Variants in MTOR observed in about 807,000 individuals in gnomAD.
MTOR encodes the protein mechanistic target of rapamycin kinase.
MTOR carries 70 observed loss-of-function variants against 319.8 expected under a neutral mutation model. The ratio of observed to expected loss-of-function variants is 0.22; its 90% CI spans 0.18 to 0.27. The LOEUF (loss-of-function observed/expected upper bound fraction) is 0.27, where lower values mean the gene tolerates loss of function less well. Among genes scored for constraint, MTOR ranks in the 10% least tolerant of loss-of-function variants. The probability of loss-of-function intolerance (pLI) is 1.00; values close to 1 mark genes in which losing one functional copy is unlikely to be tolerated. For missense variants in MTOR, 1,890 were observed against 3,274.4 expected, an observed-to-expected ratio of 0.58 and a Z score of 10.32; for synonymous variants, 1,183 against 1,211.4, an observed-to-expected ratio of 0.98 and a Z score of 0.49.
At chr1:11,113,009 G>A in intron 53 of MTOR, 92 bp from the exon 54 acceptor site, 1 of 1,364,840 alleles carries the variant, frequency 7.3e-7, no homozygotes, top group Non-Finnish European at 1.0e-6. Context: ...AAATATAATT[G>A]TTCGTAAAGC....
At chr1:11,174,293 G>C (rs1244095854) in intron 28 of MTOR, among the ~76,000 whole-genome samples, 1 of 152,156 alleles carries the variant, frequency 6.6e-6, no homozygotes, top group Non-Finnish European at 1.5e-5. Context: ...GTGAGCAATG[G>C]GTGGGATGTT....
chr1:11,152,996 A>T (rs1273461250), intron 30 of MTOR, among the ~76,000 whole-genome samples: 1 of 152,240 alleles, frequency 6.6e-6, no homozygotes, highest in Non-Finnish European at 1.5e-5. Flanking sequence ...TTTGGGACTG[A>T]GAACGGCAAC....
Position 11,228,650 on chromosome 1 carries a change from G to A in MTOR, c.3030+18C>T, listed in dbSNP as rs1220443437. ...GGTGCAGAGGAGAAAGAGAAGGATT[G>A]GGGTTTGAGGTACTTACTTCCCGGA... On this transcript the variant is annotated intron_variant, in intron 19 of 57. Coordinates refer to ENST00000361445, the MANE Select transcript of MTOR (RefSeq NM_004958.4). 1.2e-6 allele frequency: 2 copies of A among 1,611,546 alleles called. No homozygotes were observed. Among genetic ancestry groups the A allele is most frequent in the Non-Finnish European group, 8.5e-7 (1 of 1,178,588 alleles).
chr1:11,182,645 T>C (rs565331978), intron 28 of MTOR, among the ~76,000 whole-genome samples: 7 of 152,164 alleles, frequency 4.6e-5, no homozygotes, highest in African/African-American at 1.7e-4. Flanking sequence ...CTGAGCCCCC[T>C]CCCAATCACT....
At chr1:11,176,368 G>T (rs748905420) in intron 28 of MTOR, among the ~76,000 whole-genome samples, 2 of 152,168 alleles carry the variant, frequency 1.3e-5, no homozygotes, top group African/African-American at 2.4e-5. Context: ...TCCACACAAG[G>T]CGGCGCCTGT....
intron 9 of MTOR, 34 bp downstream of exon 9, chr1:11,243,080 G>A: frequency 1.2e-6 from 2 of 1,610,362 alleles, no homozygotes; most frequent in Non-Finnish European, 1.7e-6. Flanking sequence ...CAACCAAATG[G>A]AGTGGAAGGT....
At chr1:11,233,233 ATATAT>A in intron 15 of MTOR, 160 bp downstream of exon 15, 1 of 815,050 alleles carries the variant, frequency 1.2e-6, no homozygotes, top group Non-Finnish European at 2.0e-6. Flanking sequence ...TTTATTGAGA[ATATAT>A]TATTTCTCTC....
chr1:11,209,201 G>A, intron 25 of MTOR, 111 bp downstream of exon 25: 1 of 1,358,168 alleles, frequency 7.4e-7, no homozygotes, highest in Admixed American at 2.2e-5. Flanking sequence ...TAGATTTCTG[G>A]AAAAAACACC....
chr1:11,224,900 T>G (rs1646780736), intron 19 of MTOR, among the ~76,000 whole-genome samples: 1 of 152,200 alleles, frequency 6.6e-6, no homozygotes, highest in Non-Finnish European at 1.5e-5. Flanking sequence ...TACTGATACA[T>G]GCCACACATG....
chr1:11,189,361 G>A, intron 28 of MTOR: 1 of 558,718 alleles, frequency 1.8e-6, no homozygotes, highest in Non-Finnish European at 3.1e-6. Context: ...ATTCGGGCTT[G>A]GAAGGAAAGC....
At chr1:11,214,685 C>G (rs147443934) in intron 20 of MTOR, among the ~76,000 whole-genome samples, 1 of 152,182 alleles carries the variant, frequency 6.6e-6, no homozygotes, top group African/African-American at 2.4e-5. Flanking sequence ...AAAAACTATA[C>G]TAGAAGATGC....
At chr1:11,234,293 T>C in intron 13 of MTOR, 28 bp from the exon 14 acceptor site, 1 of 1,583,468 alleles carries the variant, frequency 6.3e-7, no homozygotes, top group Non-Finnish European at 8.6e-7. Context: ...TCATATGTTC[T>C]CTATGGCAGA....
At chr1:11,158,988 T>C (rs1450544973) in intron 29 of MTOR, among the ~76,000 whole-genome samples, 1 of 152,162 alleles carries the variant, frequency 6.6e-6, no homozygotes. Context: ...TACCTAAATA[T>C]AACAGAAAAT....
chr1:11,221,967 A>T (rs1646677646), intron 19 of MTOR, among the ~76,000 whole-genome samples: 2 of 151,184 alleles, frequency 1.3e-5, no homozygotes, highest in African/African-American at 4.8e-5. Context: ...ATGTATCTTC[A>T]TGAGTTCATA....
rs1046269703 is a variant in MTOR at position 11,133,066 on chromosome 1, C to A, written c.5364+14G>T. On this transcript the variant is annotated intron_variant, in intron 38 of 57. Coordinates refer to ENST00000361445, the MANE Select transcript of MTOR (RefSeq NM_004958.4). The surrounding 1 kb of genome is among the most constrained non-coding windows in gnomAD (Gnocchi z 4.0). ...CAGGGTGCTGGGTCTCACAGGTGGC[C>A]TGCTTCTGATCACCTTGTACCAGCT... The A allele has an allele frequency of 1.9e-6, 3 of 1,612,406 alleles. No individual in the cohort carries two copies. In the African/African-American group the frequency reaches 4.0e-5, roughly 22 times the overall value.
intron 26 of MTOR, among the ~76,000 whole-genome samples, chr1:11,203,252 A>G (rs1422800812): frequency 7.4e-6 from 1 of 134,336 alleles, no homozygotes; most frequent in East Asian, 2.5e-4. Flanking sequence ...AACCAACCAA[A>G]CAACAACAAC....
chr1:11,125,234 C>T (rs1388760986), intron 46 of MTOR, among the ~76,000 whole-genome samples: 1 of 152,110 alleles, frequency 6.6e-6, no homozygotes, highest in Non-Finnish European at 1.5e-5. Context: ...ATGAGCGCTC[C>T]TTGTTGATTC....
At chr1:11,189,401 G>T in intron 28 of MTOR, 1 of 771,006 alleles carries the variant, frequency 1.3e-6, no homozygotes, top group East Asian at 2.5e-5. Flanking sequence ...TCCCCTGTCA[G>T]AGACTCAAGC....
At chr1:11,125,728 T>TG (rs1336793894) in intron 46 of MTOR, among the ~76,000 whole-genome samples, 7 of 120,718 alleles carry the variant, frequency 5.8e-5, no homozygotes, top group Non-Finnish European at 1.2e-4. Context: ...GACTCTGTCT[T>TG]GGGGAAAAAA....
Sources: gnomAD v4.1 joint callset for allele counts (sites outside exome capture counted in the v4.1 genomes callset) on GRCh38, gnomAD v4.1.1 for gene constraint, Gnocchi (gnomAD v3.1) non-coding constraint, MANE v1.5 for transcripts, NCBI Gene and HGNC (gene_info 2026-07-23, HGNC 2026-07-21) for gene names.